NTM: variants seen among roughly 807,000 people sequenced by gnomAD.
NTM encodes the protein neurotrimin.
NTM carries 13 observed loss-of-function variants against 42.1 expected under a neutral mutation model. That is an observed-to-expected ratio of 0.31 (90% confidence interval 0.20 to 0.49). The LOEUF (loss-of-function observed/expected upper bound fraction) is 0.49. Among genes scored for constraint, NTM ranks in the 20% least tolerant of loss-of-function variants. NTM has a pLI of 0.99. For synonymous variants in NTM, 187 were observed against 179.2 expected (o/e 1.04, Z -0.35); for missense variants, 373 against 452.8 (o/e 0.82, Z 1.60).
At chr11:132,314,488 T>G in intron 6 of NTM, 64 bp from the exon 7 acceptor site, 1 of 1,529,298 alleles carries the variant, frequency 6.5e-7, no homozygotes, top group Non-Finnish European at 8.8e-7. Context: ...CCTGGGCCTA[T>G]CTTCTTCCTA....
At position 131,469,949 on chromosome 11, in the gene NTM, T is replaced by C. The variant is rs1952274855; in HGVS notation, c.82+99061T>C. ...TAATTTGGTTTGGAAATCCTATGAA[T>C]CTGGTCTGCATTTACATTTCCTTAG... On this transcript the variant is annotated intron_variant, in intron 1 of 8. Transcript: ENST00000683400. 3.9e-5 allele frequency among the ~76,000 whole-genome samples: 6 copies of C among 152,236 alleles called. No individual in the cohort carries two copies. The South Asian group carries it at 1.2e-3, about 31-fold the overall frequency.
At chr11:131,664,868 A>G (rs1384067593) in intron 1 of NTM, among the ~76,000 whole-genome samples, 1 of 150,228 alleles carries the variant, frequency 6.7e-6, no homozygotes, top group Admixed American at 6.7e-5. Flanking sequence ...GAATAAAGGG[A>G]TGATTGTTAC....
chr11:131,625,326 G>A (rs116025385), intron 1 of NTM, among the ~76,000 whole-genome samples: 4,867 of 152,264 alleles, frequency 0.032, 240 homozygotes, highest in African/African-American at 0.11. Flanking sequence ...TGAGCAAGGG[G>A]AGACTCTCTT....
intron 2 of NTM, among the ~76,000 whole-genome samples, chr11:131,918,044 C>G (rs1198714409): frequency 6.6e-6 from 1 of 152,190 alleles, no homozygotes; most frequent in African/African-American, 2.4e-5. Flanking sequence ...CTCCTTTCTC[C>G]CTCTTTTAAA....
intron 1 of NTM, among the ~76,000 whole-genome samples, chr11:131,697,528 T>C (rs1387797716): frequency 1.3e-5 from 2 of 152,232 alleles, no homozygotes; most frequent in Admixed American, 6.5e-5. Flanking sequence ...CACTCTTAAC[T>C]GCTATTCCAT....
chr11:131,888,169 C>T (rs1008891572), intron 1 of NTM, among the ~76,000 whole-genome samples: 9 of 152,206 alleles, frequency 5.9e-5, no homozygotes, highest in South Asian at 2.1e-4. Context: ...AGCATGGTGG[C>T]GTGCGCCTGT....
chr11:131,856,755 A>G (rs368395738), intron 1 of NTM, among the ~76,000 whole-genome samples: 1 of 152,222 alleles, frequency 6.6e-6, no homozygotes, highest in East Asian at 1.9e-4. Flanking sequence ...ATTTTAAAAT[A>G]TGCCTGACTA....
At chr11:132,129,980 C>A (rs540385545) in intron 2 of NTM, among the ~76,000 whole-genome samples, 1 of 152,218 alleles carries the variant, frequency 6.6e-6, no homozygotes, top group African/African-American at 2.4e-5. Flanking sequence ...ACTTTACAGC[C>A]TTCCTCTTTC....
At chr11:131,789,809 A>G (rs2090609462) in intron 1 of NTM, among the ~76,000 whole-genome samples, 1 of 139,902 alleles carries the variant, frequency 7.1e-6, no homozygotes, top group Non-Finnish European at 1.6e-5. Flanking sequence ...ACAAAAAATT[A>G]GCCGGGTGTG....
chr11:131,806,974 G>A (rs182232091), intron 1 of NTM, among the ~76,000 whole-genome samples: 75 of 152,308 alleles, frequency 4.9e-4, no homozygotes, highest in African/African-American at 1.6e-3. Context: ...AGCTCACAGT[G>A]AATGGAGTCA....
intron 2 of NTM, among the ~76,000 whole-genome samples, chr11:132,019,566 C>A (rs2074006085): frequency 6.6e-6 from 1 of 151,902 alleles, no homozygotes. Context: ...TGAAATATCC[C>A]AGCTTGTCTT....
chr11:131,631,597 C>T (rs114033678), intron 1 of NTM, among the ~76,000 whole-genome samples: 1 of 152,356 alleles, frequency 6.6e-6, no homozygotes, highest in African/African-American at 2.4e-5. Flanking sequence ...CTTCCTCCCA[C>T]GTTCCCATTA....
At chr11:131,515,175 A>G (rs1463985255) in intron 1 of NTM, among the ~76,000 whole-genome samples, 2 of 152,130 alleles carry the variant, frequency 1.3e-5, no homozygotes, top group Non-Finnish European at 2.9e-5. Context: ...TTGGCTTCCC[A>G]AAGTGTTGGG....
intron 1 of NTM, among the ~76,000 whole-genome samples, chr11:131,611,733 G>A (rs1356658015): frequency 6.6e-6 from 1 of 152,216 alleles, no homozygotes; most frequent in African/African-American, 2.4e-5. Context: ...CTGCAATTCG[G>A]TGGTGGAACA....
At chr11:132,031,079 A>C (rs1375798082) in intron 2 of NTM, among the ~76,000 whole-genome samples, 1 of 152,172 alleles carries the variant, frequency 6.6e-6, no homozygotes, top group Non-Finnish European at 1.5e-5. Context: ...TCCTGTCTAC[A>C]AACATCGTGC....
At chr11:131,951,811 G>A (rs2061016223) in intron 2 of NTM, among the ~76,000 whole-genome samples, 1 of 100,238 alleles carries the variant, frequency 1.0e-5, no homozygotes. Context: ...GACAGAGCAA[G>A]ACTCCGTCTC....
chr11:132,054,503 C>A lies in NTM; in HGVS notation c.168-91779C>A, dbSNP rs139759054. On this transcript the variant is annotated intron_variant, in intron 2 of 8. Coordinates refer to ENST00000683400, the MANE Select transcript of NTM (RefSeq NM_001352005.2). The stretch of plus-strand genomic sequence containing the variant: ...TTGTGAATACACTTTAATGTGAAAT[C>A]CTTCTTCTGAAGAGCCCAGAGCAAA... 7.2e-4 allele frequency among the ~76,000 whole-genome samples: 110 copies of A among 152,312 alleles called. 1 individual carries two copies. The highest frequency in any genetic ancestry group is 2.6e-3 in the African/African-American group (106 of 41,558).
chr11:131,878,569 CAAAAAAAAAAA>C (rs71475777), intron 1 of NTM, among the ~76,000 whole-genome samples: 2 of 5,862 alleles, frequency 3.4e-4, no homozygotes, highest in African/African-American at 1.9e-3. Context: ...GACTCCATCT[CAAAAAAAAAAA>C]AAAAAAAAAA....
chr11:131,732,169 A>G (rs2079784440), intron 1 of NTM, among the ~76,000 whole-genome samples: 1 of 152,188 alleles, frequency 6.6e-6, no homozygotes, highest in Non-Finnish European at 1.5e-5. Flanking sequence ...TCTTGTTACA[A>G]TAGAAAGTAC....
Sources: gnomAD v4.1 joint callset for allele counts (sites outside exome capture counted in the v4.1 genomes callset) on GRCh38, gnomAD v4.1.1 for gene constraint, MANE v1.5 for transcripts, NCBI Gene and HGNC (gene_info 2026-07-23, HGNC 2026-07-21) for gene names.